CDS1: variants seen among roughly 807,000 people sequenced by gnomAD.
CDS1 encodes the protein phosphatidate cytidylyltransferase 1.
Under a neutral mutation model 62.1 loss-of-function variants are expected in CDS1, and 41 were observed. The observed-to-expected ratio is 0.66, with a 90% CI of 0.51 to 0.86. The LOEUF (loss-of-function observed/expected upper bound fraction) is 0.86. Among genes scored for constraint, CDS1 ranks in the 40% least tolerant of loss-of-function variants. CDS1 has a pLI of 0.00. For missense variants in CDS1, 470 were observed against 550.1 expected (o/e 0.85, Z 1.46); for synonymous variants, 185 against 192.6 (o/e 0.96, Z 0.32).
At position 84,592,515 on chromosome 4, in the gene CDS1, T is replaced by C. The variant is rs149697903; in HGVS notation, c.117+8997T>C. Among the ~76,000 whole-genome samples, 882 of 152,276 alleles carry C rather than the reference T, an allele frequency of 5.8e-3. 7 individuals are homozygous for C. The highest frequency in any genetic ancestry group is 8.0e-3 in the Non-Finnish European group (547 of 68,008). On this transcript the variant is annotated intron_variant, in intron 1 of 12. Coordinates refer to ENST00000295887, the MANE Select transcript of CDS1 (RefSeq NM_001263.4). ...TCATCCCTGAGATACACCAAGTTTA[T>C]TATGTAAGTATTTACTTATTTTCTT... is the stretch of plus-strand genomic sequence containing the variant.
intron 2 of CDS1, among the ~76,000 whole-genome samples, chr4:84,604,670 A>G (rs897199476): frequency 3.9e-5 from 6 of 152,218 alleles, no homozygotes; most frequent in African/African-American, 1.4e-4. Context: ...TGATCTATTT[A>G]CCACGTCACA....
chr4:84,583,622 T>A, intron 1 of CDS1, 104 bp downstream of exon 1: 2 of 636,598 alleles, frequency 3.1e-6, no homozygotes, highest in South Asian at 4.2e-5. Flanking sequence ...CAGGTGAGGC[T>A]GCACGCTGCC....
intron 1 of CDS1, among the ~76,000 whole-genome samples, chr4:84,597,705 G>A (rs58626851): frequency 2.6e-5 from 4 of 152,174 alleles, no homozygotes; most frequent in African/African-American, 7.2e-5. Flanking sequence ...CTCACTCTTC[G>A]TTCACCAAAC....
chr4:84,593,659 T>C (rs1722662039), intron 1 of CDS1, among the ~76,000 whole-genome samples: 1 of 151,990 alleles, frequency 6.6e-6, no homozygotes, highest in African/African-American at 2.4e-5. Context: ...CGCTCTCCAC[T>C]ACGCCTGACT....
chr4:84,610,187 G>T (rs1223032720), intron 3 of CDS1, among the ~76,000 whole-genome samples: 1 of 152,154 alleles, frequency 6.6e-6, no homozygotes, highest in Non-Finnish European at 1.5e-5. Flanking sequence ...AGGAGTGCAT[G>T]GTAGAAAAGC....
Position 84,583,287 on chromosome 4 carries a change from G to A in CDS1, c.-115G>A. 1 of 695,256 alleles carries A rather than the reference G, an allele frequency of 1.4e-6. No homozygotes were observed. Among genetic ancestry groups the A allele is most frequent in the South Asian group, 1.8e-5 (1 of 54,240 alleles). The allele number at this position is 695,256 out of a possible 1,614,324, so 43.1% of individuals were successfully genotyped here. ...GGGCCGCGTTAGTGGCTGCGGCTCC[G>A]CGGGACTCCAGGGCGCGGCTGCGAG... On this transcript the variant is annotated 5_prime_UTR_variant, in exon 1 of 13. Coordinates refer to ENST00000295887, the MANE Select transcript of CDS1 (RefSeq NM_001263.4).
intron 5 of CDS1, among the ~76,000 whole-genome samples, chr4:84,624,310 T>TG (rs1391476070): frequency 6.7e-6 from 1 of 148,714 alleles, no homozygotes; most frequent in African/African-American, 2.5e-5. Flanking sequence ...AAAAACTAGT[T>TG]TTTTTTTTTA....
intron 5 of CDS1, among the ~76,000 whole-genome samples, chr4:84,623,556 C>T (rs921650637): frequency 6.6e-6 from 1 of 152,202 alleles, no homozygotes; most frequent in Middle Eastern, 3.4e-3. Flanking sequence ...CTTCTTTTCT[C>T]CTTCACATTT....
chr4:84,651,223 A>G lies in CDS1; in HGVS notation c.*2537A>G, dbSNP rs1724723340. Reference sequence around the variant, plus strand: ...CCTTGTTCCGTGAAAAAGAAAAAGCATAAACAGTGTATATTTAGGGTATAT... The same window carrying G: ...CCTTGTTCCGTGAAAAAGAAAAAGCGTAAACAGTGTATATTTAGGGTATAT... On this transcript the variant is annotated 3_prime_UTR_variant, in exon 13 of 13. Coordinates refer to ENST00000295887, the MANE Select transcript of CDS1 (RefSeq NM_001263.4). 6.6e-6 allele frequency: 1 copy of G among 152,384 alleles called. No individual in the cohort carries two copies. The highest frequency in any genetic ancestry group is 1.5e-5 in the Non-Finnish European group (1 of 68,042). 9.4% of individuals were successfully genotyped at this position (152,384 alleles called of 1,614,324 possible).
chr4:84,596,556 T>G (rs1402992769), intron 1 of CDS1, among the ~76,000 whole-genome samples: 1 of 152,194 alleles, frequency 6.6e-6, no homozygotes, highest in Non-Finnish European at 1.5e-5. Context: ...TAAGGACCCT[T>G]GTGATTATAT....
intron 2 of CDS1, among the ~76,000 whole-genome samples, chr4:84,606,220 G>GA (rs796703799): frequency 3.3e-5 from 5 of 151,128 alleles, no homozygotes; most frequent in African/African-American, 7.3e-5. Flanking sequence ...ATTACTTGCA[G>GA]AAAAAAAAAT....
At chr4:84,598,794 T>A (rs562088750) in intron 1 of CDS1, among the ~76,000 whole-genome samples, 54 of 152,230 alleles carry the variant, frequency 3.5e-4, no homozygotes, top group African/African-American at 1.3e-3. Context: ...ACTGACATAA[T>A]AGTTGTATAT....
chr4:84,587,777 C>G (rs1722464730), intron 1 of CDS1, among the ~76,000 whole-genome samples: 1 of 152,116 alleles, frequency 6.6e-6, no homozygotes, highest in Non-Finnish European at 1.5e-5. Context: ...ATTACCTGAA[C>G]CCCAAGAGGC....
intron 5 of CDS1, among the ~76,000 whole-genome samples, chr4:84,626,801 C>T (rs552796440): frequency 1.3e-5 from 2 of 152,122 alleles, no homozygotes; most frequent in East Asian, 3.9e-4. Context: ...CATTGAGGGT[C>T]CGACTATGTA....
At chr4:84,630,626 T>C (rs1200590086) in intron 5 of CDS1, among the ~76,000 whole-genome samples, 1 of 152,152 alleles carries the variant, frequency 6.6e-6, no homozygotes, top group African/African-American at 2.4e-5. Flanking sequence ...AATTTCTCTC[T>C]TGGAGAACTC....
At chr4:84,589,514 C>G (rs1722516245) in intron 1 of CDS1, among the ~76,000 whole-genome samples, 1 of 152,216 alleles carries the variant, frequency 6.6e-6, no homozygotes, top group Non-Finnish European at 1.5e-5. Context: ...GATTTCTGGA[C>G]TACCATTTGG....
At chr4:84,609,949 T>G (rs1055195555) in intron 3 of CDS1, among the ~76,000 whole-genome samples, 1 of 151,464 alleles carries the variant, frequency 6.6e-6, no homozygotes, top group African/African-American at 2.4e-5. Context: ...GCCTGGGAGG[T>G]TGATGCTGCT....
At chr4:84,609,572 C>T in intron 3 of CDS1, 47 bp downstream of exon 3, 1 of 1,033,414 alleles carries the variant, frequency 9.7e-7, no homozygotes, top group South Asian at 1.3e-5. Context: ...TGTTTTTCAA[C>T]ATTTATATAG....
At chr4:84,610,833 T>G (rs1005393424) in intron 3 of CDS1, among the ~76,000 whole-genome samples, 1 of 152,232 alleles carries the variant, frequency 6.6e-6, no homozygotes, top group East Asian at 1.9e-4. Flanking sequence ...ATAGACTAGA[T>G]GTATAAGAGG....
Sources: gnomAD v4.1 joint callset for allele counts (sites outside exome capture counted in the v4.1 genomes callset) on GRCh38, gnomAD v4.1.1 for gene constraint, MANE v1.5 for transcripts, NCBI Gene and HGNC (gene_info 2026-07-23, HGNC 2026-07-21) for gene names.